Variants in ADK observed in about 807,000 individuals in gnomAD.
ADK encodes N6,N6-dimethyladenosine kinase.
A neutral mutation model predicts 44.7 loss-of-function variants in ADK; 24 were observed. The observed-to-expected ratio is 0.54, with a 90% CI of 0.39 to 0.76. The LOEUF is 0.76. Among genes scored for constraint, ADK ranks in the 30% least tolerant of loss-of-function variants. The pLI, the probability that ADK is intolerant of heterozygous loss-of-function variation, is 0.00. For missense variants in ADK, 321 were observed against 425.1 expected (o/e 0.76, Z 2.15); for synonymous variants, 128 against 142.6 (o/e 0.90, Z 0.73).
chr10:74,420,103 T>G (rs1844507423), intron 6 of ADK, among the ~76,000 whole-genome samples: 1 of 152,188 alleles, frequency 6.6e-6, no homozygotes, highest in Admixed American at 6.5e-5. Context: ...GTAGGTAGAT[T>G]ATATTGCTTA....
At chr10:74,321,552 C>A (rs926423389) in intron 4 of ADK, among the ~76,000 whole-genome samples, 4 of 152,142 alleles carry the variant, frequency 2.6e-5, no homozygotes, top group Non-Finnish European at 5.9e-5. Flanking sequence ...GGTCTCTTCT[C>A]AAATTAGCAG....
At chr10:74,220,890 A>G (rs967108895) in intron 2 of ADK, among the ~76,000 whole-genome samples, 24 of 152,214 alleles carry the variant, frequency 1.6e-4, no homozygotes, top group Non-Finnish European at 3.2e-4. Flanking sequence ...AGAGCTATCT[A>G]TGACAAACCC....
At chr10:74,528,018 A>T in intron 7 of ADK, 1 of 849,650 alleles carries the variant, frequency 1.2e-6, no homozygotes, top group East Asian at 2.4e-5. Flanking sequence ...GATTGAGGGA[A>T]TTTGTATTCG....
intron 6 of ADK, among the ~76,000 whole-genome samples, chr10:74,489,365 G>A (rs1467593468): frequency 6.6e-6 from 1 of 151,960 alleles, no homozygotes; most frequent in African/African-American, 2.4e-5. Context: ...GGAATGTCAT[G>A]TAGTTTGGAT....
At chr10:74,329,991 G>A (rs890349191) in intron 4 of ADK, among the ~76,000 whole-genome samples, 1 of 139,374 alleles carries the variant, frequency 7.2e-6, no homozygotes, top group African/African-American at 2.6e-5. Context: ...ACAAAACCCT[G>A]TCTCTACAAA....
At chr10:74,179,890 G>T (rs955830069) in intron 1 of ADK, among the ~76,000 whole-genome samples, 4 of 152,062 alleles carry the variant, frequency 2.6e-5, no homozygotes, top group Non-Finnish European at 4.4e-5. Flanking sequence ...GAACCCTCTT[G>T]GGGTCTAGAT....
intron 4 of ADK, among the ~76,000 whole-genome samples, chr10:74,386,412 A>G (rs941047169): frequency 2.6e-5 from 4 of 152,194 alleles, no homozygotes; most frequent in Non-Finnish European, 5.9e-5. Context: ...ATTGTCCTAA[A>G]TATTGCATTT....
intron 3 of ADK, among the ~76,000 whole-genome samples, chr10:74,310,620 G>T (rs978817708): frequency 2.0e-5 from 3 of 152,022 alleles, no homozygotes; most frequent in African/African-American, 7.2e-5. Context: ...TCTTTACTCT[G>T]TCCAGTGTTA....
chr10:74,629,581 A>G (rs781679885), intron 9 of ADK, among the ~76,000 whole-genome samples: 16 of 152,354 alleles, frequency 1.1e-4, no homozygotes, highest in Admixed American at 5.2e-4. Flanking sequence ...ATAATTGGAT[A>G]CAAAGGTATA....
chr10:74,536,558 T>A lies in ADK; in HGVS notation c.726+11132T>A, dbSNP rs1042855225. Among the ~76,000 whole-genome samples the A allele has an allele frequency of 5.3e-5, 8 of 151,998 alleles. No homozygotes were observed. The South Asian group carries it at 1.5e-3, about 28-fold the overall frequency. On this transcript the variant is annotated intron_variant, in intron 7 of 10. Transcript: ENST00000539909. ...GTACAAATCAGTGGCATTAAGTACA[T>A]TTGCAATGTTGTACAGCCATCACCA...
intron 3 of ADK, among the ~76,000 whole-genome samples, chr10:74,238,778 ACT>A (rs1192754660): frequency 6.6e-6 from 1 of 151,378 alleles, no homozygotes; most frequent in East Asian, 1.9e-4. Flanking sequence ...AAACAAAATT[ACT>A]GTCTCTAAAC....
In ADK at chr10:74,474,186, G is replaced by C. The variant is rs568273145; in HGVS notation, c.556-51070G>C. 3.3e-5 allele frequency among the ~76,000 whole-genome samples: 5 copies of C among 152,174 alleles called. No individual in the cohort carries two copies. The East Asian group carries it at 9.7e-4, about 29-fold the overall frequency. On this transcript the variant is annotated intron_variant, in intron 6 of 10. Transcript: ENST00000539909. ...GGTTGGAGTGCAGTGGTGTGATCGT[G>C]ACTCACTGCTGCCTCAACCTTCTGG...
intron 4 of ADK, among the ~76,000 whole-genome samples, chr10:74,328,621 AAGTTCT>A (rs1418680833): frequency 6.6e-6 from 1 of 152,050 alleles, no homozygotes; most frequent in Non-Finnish European, 1.5e-5. Context: ...GATAGTGAGT[AAGTTCT>A]TACAAATCTG....
intron 2 of ADK, among the ~76,000 whole-genome samples, chr10:74,214,173 C>T (rs1843932268): frequency 6.6e-6 from 1 of 152,114 alleles, no homozygotes; most frequent in South Asian, 2.1e-4. Flanking sequence ...CTGTGATTTA[C>T]TCTTAATCTA....
intron 6 of ADK, among the ~76,000 whole-genome samples, chr10:74,472,245 T>C (rs1036689289): frequency 6.6e-6 from 1 of 152,202 alleles, no homozygotes; most frequent in African/African-American, 2.4e-5. Flanking sequence ...TTATTCATTG[T>C]CTTTGAGGGA....
At chr10:74,310,145 C>T (rs1388244754) in intron 3 of ADK, among the ~76,000 whole-genome samples, 1 of 151,954 alleles carries the variant, frequency 6.6e-6, no homozygotes, top group African/African-American at 2.4e-5. Context: ...TTTATATGGC[C>T]ACCCCGTTCA....
At chr10:74,624,321 C>T (rs1197357034) in intron 9 of ADK, among the ~76,000 whole-genome samples, 1 of 151,212 alleles carries the variant, frequency 6.6e-6, no homozygotes. Context: ...ATTTGTTTAG[C>T]TTTTCTCTGC....
intron 1 of ADK, among the ~76,000 whole-genome samples, chr10:74,173,937 T>C (rs561396588): frequency 7.6e-4 from 115 of 152,106 alleles, no homozygotes; most frequent in African/African-American, 2.7e-3. Flanking sequence ...TTTACTATAG[T>C]TAATTAAATT....
Position 74,167,641 on chromosome 10 carries a change from A to C in ADK, c.65+16298A>C, listed in dbSNP as rs781304646. 2.3e-4 allele frequency among the ~76,000 whole-genome samples: 35 copies of C among 152,306 alleles called. No individual in the cohort carries two copies. The Middle Eastern group carries it at 0.024, about 104-fold the overall frequency. On this transcript the variant is annotated intron_variant, in intron 1 of 10. Transcript: ENST00000539909. ...CTCACGTGGCAGCTCCAAGAGACCAAAGCAGGAGCTGGCAGCCCTCTCAAA... is the reference window on the plus strand; with the variant it reads ...CTCACGTGGCAGCTCCAAGAGACCACAGCAGGAGCTGGCAGCCCTCTCAAA...
Sources: allele counts gnomAD v4.1 joint callset (sites outside exome capture counted in the v4.1 genomes callset), GRCh38; gene constraint gnomAD v4.1.1; transcripts MANE v1.5; gene names NCBI Gene and HGNC (gene_info 2026-07-23, HGNC 2026-07-21).